Variants in SLC9A2 observed in about 807,000 individuals in gnomAD.
The protein encoded by SLC9A2 is sodium/hydrogen exchanger 2.
Under a neutral mutation model 71.7 loss-of-function variants are expected in SLC9A2, and 42 were observed. That is an observed-to-expected ratio of 0.59 (90% CI 0.46 to 0.76). The LOEUF is 0.76. Ranked by LOEUF, SLC9A2 falls within the 30% of genes least tolerant of loss-of-function variation. SLC9A2 has a pLI of 0.00. For missense variants in SLC9A2, 829 were observed against 1,017.4 expected (o/e 0.81, Z 2.52); for synonymous variants, 396 against 392.5 (o/e 1.01, Z -0.10).
At chr2:102,662,352 C>G (rs2104523491) in intron 2 of SLC9A2, among the ~76,000 whole-genome samples, 1 of 152,366 alleles carries the variant, frequency 6.6e-6, no homozygotes, top group East Asian at 1.9e-4. Context: ...CCTCAGAGAA[C>G]TCTTCAGTGC....
chr2:102,701,151 TA>T lies in SLC9A2; in HGVS notation c.1673del (p.Lys558SerfsTer4). ...QPKSSIVSLY[K>X]KLEIKHAIEM... is the part of the protein sequence containing the mutation. ...CAAAGTCAAGTATTGTATCTTTATA[TA>T]AAAAGCTTGAAATAAAACATGCCAT... On this transcript the variant is annotated frameshift_variant, in exon 8 of 12. Transcript: ENST00000233969. LOFTEE classifies it high-confidence loss of function. 6.2e-7 allele frequency: 1 copy of T among 1,611,898 alleles called. No homozygotes were observed. The highest frequency in any genetic ancestry group is 8.5e-7 in the Non-Finnish European group (1 of 1,179,020).
chr2:102,620,143 C>T lies in SLC9A2; in HGVS notation c.289+6C>T. On this transcript the variant is annotated splice_donor_region_variant and intron_variant, in intron 1 of 11. Transcript: ENST00000233969. Reference sequence around the variant, plus strand: ...GGCCTCCCTGGCCAAGATTGGTGAGCGAACTGGACTTGTGGGGAATGGGAG... The same window carrying T: ...GGCCTCCCTGGCCAAGATTGGTGAGTGAACTGGACTTGTGGGGAATGGGAG... 1 of 1,593,336 alleles carries T rather than the reference C, an allele frequency of 6.3e-7. No homozygotes were observed. Among genetic ancestry groups the T allele is most frequent in the Non-Finnish European group, 8.6e-7 (1 of 1,165,900 alleles).
At position 102,657,216 on chromosome 2, in the gene SLC9A2, AT is replaced by A. The variant is rs201522173; in HGVS notation, c.290-347del. 1.7e-3 allele frequency among the ~76,000 whole-genome samples: 244 copies of A among 147,582 alleles called. 2 individuals carry two copies. Among genetic ancestry groups the A allele is most frequent in the East Asian group, 6.8e-3 (35 of 5,158 alleles). ...GCAAGACTCCATCTCAAAAAAAAAA[AT>A]AATAATAATAATAATAAAATTGTGT... On this transcript the variant is annotated intron_variant, in intron 1 of 11. Transcript: ENST00000233969.
intron 1 of SLC9A2, among the ~76,000 whole-genome samples, chr2:102,642,628 T>C (rs1676605485): frequency 6.6e-6 from 1 of 152,212 alleles, no homozygotes; most frequent in African/African-American, 2.4e-5. Flanking sequence ...GTTTTCTTTT[T>C]GGTACTGCTC....
At chr2:102,690,437 G>A (rs967064890) in intron 5 of SLC9A2, among the ~76,000 whole-genome samples, 1 of 152,190 alleles carries the variant, frequency 6.6e-6, no homozygotes, top group Non-Finnish European at 1.5e-5. Context: ...AACTCTCTTA[G>A]GTTTCTTAGA....
chr2:102,631,995 G>GAGATAT (rs1379688833), intron 1 of SLC9A2, among the ~76,000 whole-genome samples: 10 of 43,250 alleles, frequency 2.3e-4, no homozygotes, highest in African/African-American at 8.0e-4. Context: ...TGAAAGTGGG[G>GAGATAT]ATATATATAT....
intron 2 of SLC9A2, among the ~76,000 whole-genome samples, chr2:102,660,965 A>G (rs1426361677): frequency 6.6e-6 from 1 of 152,252 alleles, no homozygotes; most frequent in Non-Finnish European, 1.5e-5. Context: ...TGATAAATTC[A>G]ACATTGAGCT....
At chr2:102,670,802 A>C (rs13400836) in intron 3 of SLC9A2, among the ~76,000 whole-genome samples, 27,921 of 147,192 alleles carry the variant, frequency 0.19, 3,044 homozygotes, top group East Asian at 0.34. Context: ...GTAGGAGCTG[A>C]TAATTGTCAT....
chr2:102,636,962 G>A (rs1215412945), intron 1 of SLC9A2, among the ~76,000 whole-genome samples: 1 of 152,170 alleles, frequency 6.6e-6, no homozygotes, highest in African/African-American at 2.4e-5. Flanking sequence ...TCCTTCCTTG[G>A]TCAAACCCCT....
intron 5 of SLC9A2, among the ~76,000 whole-genome samples, chr2:102,691,385 ATGTGGTTAAAATAAGGTG>A (rs1677658963): frequency 6.6e-6 from 1 of 152,104 alleles, no homozygotes; most frequent in Non-Finnish European, 1.5e-5. Flanking sequence ...AAATTTTCTA[ATGTGGTTAAAATAAGGTG>A]CTTTCTTGGT....
chr2:102,633,379 C>T (rs1038649546), intron 1 of SLC9A2, among the ~76,000 whole-genome samples: 6 of 152,072 alleles, frequency 3.9e-5, no homozygotes, highest in African/African-American at 9.7e-5. Flanking sequence ...ATCACACTTC[C>T]GGTGTGGTCT....
In SLC9A2 at chr2:102,665,254, C is replaced by T. The variant is rs1393142244; in HGVS notation, c.908C>T (p.Thr303Ile). 1 of 1,613,858 alleles carries T rather than the reference C, an allele frequency of 6.2e-7. No individual in the cohort carries two copies. The highest frequency in any genetic ancestry group is 8.5e-7 in the Non-Finnish European group (1 of 1,179,974). Reference protein sequence around the residue: ...GFIAAFTTRFTHNIRVIEPLF... With the variant: ...GFIAAFTTRFIHNIRVIEPLF... ...ATAGCGGCATTTACTACTCGATTCA[C>T]CCATAATATCCGAGTGATCGAGCCA... Residue 303 changes from threonine to isoleucine, a missense_variant, in exon 3 of 12, where the codon ACC (threonine) becomes ATC (isoleucine). Transcript: ENST00000233969.
chr2:102,704,729 C>G, intron 10 of SLC9A2, 54 bp downstream of exon 10: 1 of 1,570,714 alleles, frequency 6.4e-7, no homozygotes, highest in Non-Finnish European at 8.7e-7. Context: ...GACAGCTATT[C>G]CATTGATCAG....
Position 102,701,127 on chromosome 2 carries a change from A to G in SLC9A2, c.1644A>G (p.Pro548=). The G allele has an allele frequency of 1.2e-6, 2 of 1,610,984 alleles. No individual in the cohort carries two copies. Among genetic ancestry groups the G allele is most frequent in the Non-Finnish European group, 8.5e-7 (1 of 1,178,834 alleles). ...LRKLLIRENQ[P]KSSIVSLYKK... ...AGCTTTTGATTCGGGAAAACCAACC[A>G]AAGTCAAGTATTGTATCTTTATATA... Residue 548 remains proline (P), a synonymous_variant, in exon 8 of 12, where the codon CCA becomes CCG. Transcript: ENST00000233969.
intron 1 of SLC9A2, among the ~76,000 whole-genome samples, chr2:102,641,254 C>T (rs1447047209): frequency 1.3e-5 from 2 of 152,172 alleles, no homozygotes; most frequent in African/African-American, 2.4e-5. Flanking sequence ...AGAGCTCAGG[C>T]ACAGTCCTGC....
intron 3 of SLC9A2, among the ~76,000 whole-genome samples, chr2:102,674,019 C>A (rs1437872453): frequency 6.6e-6 from 1 of 152,116 alleles, no homozygotes; most frequent in East Asian, 1.9e-4. Context: ...GAACTCCTGA[C>A]CTTGGGTGAT....
At chr2:102,655,294 C>A (rs1177106119) in intron 1 of SLC9A2, among the ~76,000 whole-genome samples, 2 of 146,662 alleles carry the variant, frequency 1.4e-5, no homozygotes, top group East Asian at 4.0e-4. Flanking sequence ...GCTGGGATTA[C>A]AGGCACCCGC....
At chr2:102,657,232 T>A (rs920801580) in intron 1 of SLC9A2, among the ~76,000 whole-genome samples, 2 of 151,810 alleles carry the variant, frequency 1.3e-5, no homozygotes, top group Non-Finnish European at 2.9e-5. Flanking sequence ...ATAATAATAA[T>A]AAAATTGTGT....
chr2:102,628,617 G>A (rs1191162960), intron 1 of SLC9A2, among the ~76,000 whole-genome samples: 3 of 151,830 alleles, frequency 2.0e-5, no homozygotes, highest in Admixed American at 6.6e-5. Context: ...CTCAGCTCTC[G>A]GTATTTTTAA....
Sources: gnomAD v4.1 joint callset for allele counts (sites outside exome capture counted in the v4.1 genomes callset) on GRCh38, gnomAD v4.1.1 for gene constraint, MANE v1.5 for transcripts, NCBI Gene and HGNC (gene_info 2026-07-23, HGNC 2026-07-21) for gene names.